PFAS: variants seen among roughly 807,000 people sequenced by gnomAD.
The protein encoded by PFAS is FGAM synthase.
A neutral mutation model predicts 140.6 loss-of-function variants in PFAS; 97 were observed. The ratio of observed to expected loss-of-function variants is 0.69; its 90% CI spans 0.59 to 0.82. PFAS has a LOEUF of 0.82. Ranked by LOEUF, PFAS falls within the 40% of genes least tolerant of loss-of-function variation. The pLI is 0.00. For synonymous variants in PFAS, 679 were observed against 718.8 expected (o/e 0.94, Z 0.88); for missense variants, 1,656 against 1,780.2 (o/e 0.93, Z 1.26).
chr17:8,268,679 G>C lies in PFAS; in HGVS notation c.3529G>C (p.Asp1177His), dbSNP rs1174966784. 1.2e-6 allele frequency: 2 copies of C among 1,613,498 alleles called. No individual in the cohort carries two copies. Among genetic ancestry groups the C allele is most frequent in the Non-Finnish European group, 8.5e-7 (1 of 1,179,950 alleles). ...LGWVGGDPNE[D>H]AAEMGPDSQP... Reference sequence around the variant, plus strand: ...CTGGGTGGGAGGCGACCCCAATGAGGATGCTGCAGAGATGGGCCCTGACTC... The same window carrying C: ...CTGGGTGGGAGGCGACCCCAATGAGCATGCTGCAGAGATGGGCCCTGACTC... The change falls in exon 27 of 28, where the codon GAT becomes CAT. Residue 1177 changes from aspartate (D) to histidine (H), a missense_variant. Asp to His is a moderately conservative substitution (Grantham distance 81). This residue lies in a region of PFAS where 883 missense variants were observed against 1,023.0 expected (regional missense o/e 0.86). Coordinates refer to ENST00000314666, the MANE Select transcript of PFAS (RefSeq NM_012393.3).
At position 8,265,942 on chromosome 17, in the gene PFAS, G is replaced by T. The variant is rs369111976; in HGVS notation, c.2626G>T (p.Gly876Trp). ...TALAQCFSQL[G>W]EHPPDLDLPE... The stretch of plus-strand genomic sequence containing the variant: ...TCTGGCCCAGTGCTTCTCCCAGCTT[G>T]GGGAACACCCTCCAGACCTGGACCT... Residue 876 changes from glycine (G) to tryptophan (W), a missense_variant, in exon 21 of 28, where the codon GGG becomes TGG. By Grantham distance (184) the Gly-to-Trp change is radical. Coordinates refer to ENST00000314666, the MANE Select transcript of PFAS (RefSeq NM_012393.3). 24 of 1,613,706 alleles carry T rather than the reference G, an allele frequency of 1.5e-5. No homozygotes were observed. Among genetic ancestry groups the T allele is most frequent in the Non-Finnish European group, 2.0e-5 (24 of 1,179,742 alleles).
chr17:8,265,048 GACCC>G lies in PFAS; in HGVS notation c.2205_2208del (p.Asp735GlufsTer27). The stretch of plus-strand genomic sequence containing the variant: ...AGAACAGCCAGTCAAGAGCCTGCTG[GACCC>G]AAAAGTCGCCGCCCGGCTGGCCGTG... On this transcript the variant is annotated frameshift_variant, in exon 18 of 28. Coordinates refer to ENST00000314666, the MANE Select transcript of PFAS (RefSeq NM_012393.3). LOFTEE classifies it high-confidence loss of function. The G allele has an allele frequency of 6.2e-7, 1 of 1,613,656 alleles. No individual in the cohort carries two copies. The highest frequency in any genetic ancestry group is 8.5e-7 in the Non-Finnish European group (1 of 1,180,002).
At position 8,265,079 on chromosome 17, in the gene PFAS, C is replaced by T; in HGVS notation, c.2234C>T (p.Ala745Val). ...DPKVAARLAV[A>V]EALTNLVFAL... is the part of the protein sequence containing the mutation. ...AAAGTCGCCGCCCGGCTGGCCGTGGCCGAAGCCCTCACCAACCTGGTGTTT... is the reference window on the plus strand; with the variant it reads ...AAAGTCGCCGCCCGGCTGGCCGTGGTCGAAGCCCTCACCAACCTGGTGTTT... The change falls in exon 18 of 28, where the codon GCC (alanine) becomes GTC (valine). Residue 745 changes from alanine (A) to valine (V), a missense_variant. Around this residue, in one of 2 missense-constraint regions of PFAS, gnomAD observed 883 missense variants for 1,023.0 expected, o/e 0.86. Transcript: ENST00000314666. 3 of 1,613,338 alleles carry T rather than the reference C, an allele frequency of 1.9e-6. No individual in the cohort carries two copies. The highest frequency in any genetic ancestry group is 2.5e-6 in the Non-Finnish European group (3 of 1,179,984).
Position 8,265,317 on chromosome 17 carries a change from G to A in PFAS, c.2310G>A (p.Trp770Ter), listed in dbSNP as rs1411784515. The change falls in exon 19 of 28, where the codon TGG becomes TGA. Residue 770 changes from tryptophan (W) to a stop codon, truncating the protein, a stop_gained. Transcript: ENST00000314666. LOFTEE classifies it high-confidence loss of function. ...TGAAGTGTAGCGGGAACTGGATGTG[G>A]GCAGCCAAGCTCCCAGGGGAGGGCG... ...RDVKCSGNWM[W>*]AAKLPGEGAA... is the part of the protein sequence containing the mutation. 1.2e-6 allele frequency: 2 copies of A among 1,613,984 alleles called. No individual in the cohort carries two copies. Among genetic ancestry groups the A allele is most frequent in the Non-Finnish European group, 1.7e-6 (2 of 1,180,028 alleles).
chr17:8,260,963 C>G (rs1048473584), intron 11 of PFAS, among the ~76,000 whole-genome samples: 2 of 151,962 alleles, frequency 1.3e-5, no homozygotes, highest in African/African-American at 4.8e-5. Context: ...TATAATTTCT[C>G]CCAGGTATAT....
In PFAS at chr17:8,263,884, C is replaced by G. The variant is rs977333130; in HGVS notation, c.1739C>G (p.Ala580Gly). 6.2e-7 allele frequency: 1 copy of G among 1,613,940 alleles called. No individual in the cohort carries two copies. The highest frequency in any genetic ancestry group is 1.3e-5 in the African/African-American group (1 of 74,906). The change falls in exon 15 of 28, where the codon GCC becomes GGC. Residue 580 changes from alanine to glycine, a missense_variant. Transcript: ENST00000314666. Reference protein sequence around the residue: ...PNRDFLTHVSARERCPACFVG... With the variant: ...PNRDFLTHVSGRERCPACFVG... Reference sequence around the variant, plus strand: ...CGGGACTTCCTGACTCATGTCAGTGCCCGTGAACGTTGCCCGGCTTGCTTC... The same window carrying G: ...CGGGACTTCCTGACTCATGTCAGTGGCCGTGAACGTTGCCCGGCTTGCTTC...
chr17:8,263,455 G>A, intron 13 of PFAS, 120 bp from the exon 14 acceptor site: 9 of 1,031,458 alleles, frequency 8.7e-6, no homozygotes, highest in Middle Eastern at 2.2e-4. Context: ...TGGTGGTAAG[G>A]GTGCGGCAGC....
At position 8,253,085 on chromosome 17, in the gene PFAS, C is replaced by T. The variant is rs566507282; in HGVS notation, c.-79-774C>T. Among the ~76,000 whole-genome samples the T allele has an allele frequency of 1.7e-4, 26 of 152,278 alleles. 1 individual carries two copies. In the South Asian group the frequency reaches 5.2e-3, roughly 30 times the overall value. On this transcript the variant is annotated intron_variant, in intron 1 of 27. Transcript: ENST00000314666. ...ATATATGAATTGGGAGGGGGAGATA[C>T]ACAAACATTCAATCCATGGCTGATA...
rs12951103 is a variant in PFAS, at chr17:8,269,414, A to T, written c.*150A>T. The T allele has an allele frequency of 2.2e-5, 13 of 600,680 alleles. No homozygotes were observed. The highest frequency in any genetic ancestry group is 3.0e-5 in the Non-Finnish European group (10 of 336,976). 37.2% of individuals were successfully genotyped at this position (600,680 alleles called of 1,614,324 possible). A position where few individuals can be genotyped will look rare whatever the true frequency, so the allele number is the denominator to read the frequency against. On this transcript the variant is annotated 3_prime_UTR_variant, in exon 28 of 28. Coordinates refer to ENST00000314666, the MANE Select transcript of PFAS (RefSeq NM_012393.3). Reference sequence around the variant, plus strand: ...ATGCCAAAATCTCAGCGGACTCGATAATCTGCCTGCTGATGTTCCTTCTGT... The same window carrying T: ...ATGCCAAAATCTCAGCGGACTCGATTATCTGCCTGCTGATGTTCCTTCTGT...
chr17:8,264,452 T>G lies in PFAS; in HGVS notation c.1918-18T>G. 1.9e-6 allele frequency: 3 copies of G among 1,613,406 alleles called. No homozygotes were observed. Among genetic ancestry groups the G allele is most frequent in the South Asian group, 2.2e-5 (2 of 91,086 alleles). On this transcript the variant is annotated intron_variant, in intron 16 of 27. Transcript: ENST00000314666. The stretch of plus-strand genomic sequence containing the variant: ...CCGCCCCAGGTGTTCACACTGCCTG[T>G]CGCTGTCTGTGTTGCAGGAGTTCTT...
intron 4 of PFAS, 58 bp downstream of exon 4, chr17:8,255,190 A>G (rs1989311398): frequency 7.7e-7 from 1 of 1,293,844 alleles, no homozygotes; most frequent in Non-Finnish European, 1.1e-6. Flanking sequence ...ATTAGATCCT[A>G]AGCTCTAGAG....
chr17:8,266,127 TC>T lies in PFAS; in HGVS notation c.2702-103del. ...ACTCCAATGGACGATGTACCCCAGATCCCCTGACATTCTGACACACACTCTT... is the reference window on the plus strand; with the variant it reads ...ACTCCAATGGACGATGTACCCCAGATCCCTGACATTCTGACACACACTCTT... On this transcript the variant is annotated intron_variant, in intron 21 of 27. Coordinates refer to ENST00000314666, the MANE Select transcript of PFAS (RefSeq NM_012393.3). The surrounding 1 kb of genome is among the most constrained non-coding windows in gnomAD (Gnocchi z 5.0). 1 of 1,546,660 alleles carries T rather than the reference TC, an allele frequency of 6.5e-7. No homozygotes were observed. The highest frequency in any genetic ancestry group is 8.8e-7 in the Non-Finnish European group (1 of 1,136,134).
In PFAS at chr17:8,256,381, C is replaced by A; in HGVS notation, c.795C>A (p.Asn265Lys). ...CCCAGGAATCCTCGAACCCCAACAACGTCCTCAAATTCTGTGATAACAGCA... is the reference window on the plus strand; with the variant it reads ...CCCAGGAATCCTCGAACCCCAACAAAGTCCTCAAATTCTGTGATAACAGCA... ...MSTQESSNPN[N>K]VLKFCDNSSA... Residue 265 changes from asparagine (N) to lysine (K), a missense_variant, in exon 7 of 28, where the codon AAC becomes AAA. Physicochemically the swap from Asn to Lys is moderately conservative, Grantham distance 94. Coordinates refer to ENST00000314666, the MANE Select transcript of PFAS (RefSeq NM_012393.3). The A allele has an allele frequency of 6.2e-7, 1 of 1,614,076 alleles. No individual in the cohort carries two copies. Among genetic ancestry groups the A allele is most frequent in the Non-Finnish European group, 8.5e-7 (1 of 1,180,040 alleles).
Position 8,256,509 on chromosome 17 carries a change from C to T in PFAS, c.822-15C>T, listed in dbSNP as rs1377437576. 3.7e-6 allele frequency: 6 copies of T among 1,613,950 alleles called. No individual in the cohort carries two copies. Among genetic ancestry groups the T allele is most frequent in the Admixed American group, 1.7e-5 (1 of 60,012 alleles). Reference sequence around the variant, plus strand: ...CCCAGAAAGGAAGCAAGGTCCATGACGGGTATGTCCACAGTGCAATCCAGG... The same window carrying T: ...CCCAGAAAGGAAGCAAGGTCCATGATGGGTATGTCCACAGTGCAATCCAGG... On this transcript the variant is annotated splice_polypyrimidine_tract_variant and intron_variant, in intron 7 of 27. Transcript: ENST00000314666.
In PFAS at chr17:8,263,646, G is replaced by T; in HGVS notation, c.1629+10G>T. The T allele has an allele frequency of 1.2e-6, 2 of 1,612,942 alleles. No homozygotes were observed. The highest frequency in any genetic ancestry group is 1.7e-6 in the Non-Finnish European group (2 of 1,178,994). On this transcript the variant is annotated intron_variant, in intron 14 of 27. Coordinates refer to ENST00000314666, the MANE Select transcript of PFAS (RefSeq NM_012393.3). ...CACCAGCCGCTTCCAGGTGGGTCTC[G>T]TCCCCTGAAGTGTGACATTTTCCCA...
rs911838363 is a variant in PFAS, at chr17:8,269,880, CT to C, written c.*633del. 1.5e-3 allele frequency: 210 copies of C among 138,874 alleles called. No individual in the cohort carries two copies. The highest frequency in any genetic ancestry group is 3.8e-3 in the Middle Eastern group (1 of 266). 8.6% of individuals were successfully genotyped at this position (138,874 alleles called of 1,614,324 possible). A position where few individuals can be genotyped will look rare whatever the true frequency, so the allele number is the denominator to read the frequency against. ...TATTTGCTTCTAAATTAGCAGCTCT[CT>C]TTTTTTTTTTTTTTTTGAGGCAGTC... On this transcript the variant is annotated 3_prime_UTR_variant, in exon 28 of 28. Coordinates refer to ENST00000314666, the MANE Select transcript of PFAS (RefSeq NM_012393.3).
At position 8,255,752 on chromosome 17, in the gene PFAS, G is replaced by A. The variant is rs1989336901; in HGVS notation, c.575-53G>A. The A allele has an allele frequency of 7.5e-6, 12 of 1,604,310 alleles. No individual in the cohort carries two copies. The East Asian group carries it at 2.7e-4, about 36-fold the overall frequency. ...TAGGCCAGTAGGGGTGCTGAGATCT[G>A]GAATGTGGCTGCCTGAGTTCCATAG... On this transcript the variant is annotated intron_variant, in intron 5 of 27. Coordinates refer to ENST00000314666, the MANE Select transcript of PFAS (RefSeq NM_012393.3).
rs150236583 is a variant in PFAS, at chr17:8,256,869, A to G, written c.981A>G (p.Thr327=). 1.2e-6 allele frequency: 2 copies of G among 1,612,830 alleles called. No individual in the cohort carries two copies. The highest frequency in any genetic ancestry group is 1.1e-5 in the South Asian group (1 of 90,902). The change falls in exon 9 of 28, where the codon ACA becomes ACG. Residue 327 remains threonine, a synonymous_variant. Coordinates refer to ENST00000314666, the MANE Select transcript of PFAS (RefSeq NM_012393.3). ...VCPFSGATTG[T]GGRIRDVQCT... ...CCTTTAGTGGTGCAACCACTGGCAC[A>G]GGGGGCCGGATTCGAGATGTCCAGT... is the stretch of plus-strand genomic sequence containing the variant.
chr17:8,257,840 A>T lies in PFAS; in HGVS notation c.1109A>T (p.Gln370Leu). Residue 370 changes from glutamine to leucine, a missense_variant, in exon 10 of 28, where the codon CAG becomes CTG. Transcript: ENST00000314666. ...CTGCCCTGGGAGGATCCAAGCTTCC[A>T]GTATCCTGGGAATTTTGCCCGGCCC... ...YNLPWEDPSFQYPGNFARPLE... is the reference protein window; with the variant it reads ...YNLPWEDPSFLYPGNFARPLE... 6.2e-7 allele frequency: 1 copy of T among 1,613,848 alleles called. No individual in the cohort carries two copies. The highest frequency in any genetic ancestry group is 1.1e-5 in the South Asian group (1 of 91,066).
Sources: gnomAD v4.1 joint callset for allele counts (sites outside exome capture counted in the v4.1 genomes callset) on GRCh38, gnomAD v4.1.1 for gene constraint, gnomAD v4.1.1 regional missense constraint, Gnocchi (gnomAD v3.1) non-coding constraint, MANE v1.5 for transcripts, NCBI Gene and HGNC (gene_info 2026-07-23, HGNC 2026-07-21) for gene names.